PAMR1: variants seen among roughly 807,000 people sequenced by gnomAD.
PAMR1 encodes peptidase domain containing associated with muscle regeneration 1, also known as inactive serine protease PAMR1.
PAMR1 carries 88 observed loss-of-function variants against 81.8 expected under a neutral mutation model. The ratio of observed to expected loss-of-function variants is 1.08; its 90% CI spans 0.91 to 1.28. The LOEUF (loss-of-function observed/expected upper bound fraction) is 1.28. Among genes scored for constraint, PAMR1 ranks in the 50% most tolerant of loss-of-function variants. The pLI, the probability that PAMR1 is intolerant of heterozygous loss-of-function variation, is 0.00. For synonymous variants in PAMR1, 336 were observed against 345.3 expected, an observed-to-expected ratio of 0.97 and a Z score of 0.30; for missense variants, 935 against 919.7, an observed-to-expected ratio of 1.02 and a Z score of -0.21.
chr11:35,451,079 A>G (rs781299633), intron 6 of PAMR1, among the ~76,000 whole-genome samples: 1 of 152,250 alleles, frequency 6.6e-6, no homozygotes, highest in Non-Finnish European at 1.5e-5. Flanking sequence ...AGCAGAGGAT[A>G]AGAAATCCTT....
chr11:35,526,692 C>T (rs770844486), upstream of PAMR1, among the ~76,000 whole-genome samples: 1 of 152,208 alleles, frequency 6.6e-6, no homozygotes, highest in East Asian at 1.9e-4. Context: ...AGGCTATAGT[C>T]TTAGCCACTA....
At chr11:35,515,070 TGAC>T (rs768587930) in intron 1 of PAMR1, among the ~76,000 whole-genome samples, 56 of 152,222 alleles carry the variant, frequency 3.7e-4, no homozygotes, top group Non-Finnish European at 4.1e-4. Context: ...AGCACTAGAA[TGAC>T]GACATTAAAA....
intron 1 of PAMR1, among the ~76,000 whole-genome samples, chr11:35,511,812 T>G (rs1480050799): frequency 6.6e-6 from 1 of 151,964 alleles, no homozygotes; most frequent in African/African-American, 2.4e-5. Context: ...TCCTAACCGC[T>G]GGAGGATCTG....
intron 1 of PAMR1, among the ~76,000 whole-genome samples, chr11:35,496,920 C>A (rs575124525): frequency 2.0e-5 from 3 of 152,288 alleles, no homozygotes; most frequent in African/African-American, 7.2e-5. Flanking sequence ...AATCCCAACA[C>A]TTTGGGAGGC....
intron 6 of PAMR1, among the ~76,000 whole-genome samples, chr11:35,456,515 C>T (rs1202856072): frequency 6.6e-6 from 1 of 152,106 alleles, no homozygotes; most frequent in African/African-American, 2.4e-5. Flanking sequence ...TTGGAGCTCC[C>T]AGTTTTATCC....
At chr11:35,491,690 T>C (rs1245480947) in intron 3 of PAMR1, among the ~76,000 whole-genome samples, 1 of 152,176 alleles carries the variant, frequency 6.6e-6, no homozygotes, top group South Asian at 2.1e-4. Flanking sequence ...CCAACAGAAA[T>C]TCATACGTAC....
At chr11:35,528,957 T>C (rs1257242209), upstream of PAMR1, 5 of 152,250 alleles carry the variant, frequency 3.3e-5, no homozygotes, top group African/African-American at 1.2e-4. Context: ...ATTACCTTGT[T>C]GAACTGCACA....
In PAMR1 at chr11:35,432,241, C is replaced by G; in HGVS notation, c.*115G>C. 1 of 992,954 alleles carries G rather than the reference C, an allele frequency of 1.0e-6. No individual in the cohort carries two copies. Among genetic ancestry groups the G allele is most frequent in the South Asian group, 1.6e-5 (1 of 63,660 alleles). The allele number at this position is 992,954 out of a possible 1,614,324, so 61.5% of individuals were successfully genotyped here. On this transcript the variant is annotated 3_prime_UTR_variant, in exon 11 of 11. Transcript: ENST00000619888. ...AGTTTTGTCCCTGAAGTCAGAAGCC[C>G]TGGCACAGCCAAGTTCACAGGCCAA...
At chr11:35,519,065 C>G (rs183187318) in intron 1 of PAMR1, among the ~76,000 whole-genome samples, 1 of 152,294 alleles carries the variant, frequency 6.6e-6, no homozygotes, top group East Asian at 1.9e-4. Flanking sequence ...GATGCCCAGA[C>G]TGCAGAAATA....
chr11:35,492,693 G>A lies in PAMR1; in HGVS notation c.251-520C>T, dbSNP rs569507074. Among the ~76,000 whole-genome samples the A allele has an allele frequency of 1.6e-4, 25 of 152,116 alleles. No individual in the cohort carries two copies. The South Asian group carries it at 4.8e-3, about 29-fold the overall frequency. ...CATAATAGACAGTAAATATCTTCCT[G>A]CCATATACTTCCGTAATGAAAGCAT... On this transcript the variant is annotated intron_variant, in intron 2 of 10. Transcript: ENST00000619888.
chr11:35,454,013 T>C (rs1365312227), intron 6 of PAMR1, among the ~76,000 whole-genome samples: 1 of 152,212 alleles, frequency 6.6e-6, no homozygotes, highest in Non-Finnish European at 1.5e-5. Context: ...CAGATAAATA[T>C]TTAAAGAAAG....
chr11:35,509,492 T>C (rs1417319983), intron 1 of PAMR1, among the ~76,000 whole-genome samples: 1 of 152,262 alleles, frequency 6.6e-6, no homozygotes, highest in Admixed American at 6.5e-5. Context: ...TAGAAATTAT[T>C]GAATGTTTTC....
At chr11:35,458,519 T>C (rs1414142020) in intron 6 of PAMR1, among the ~76,000 whole-genome samples, 1 of 152,246 alleles carries the variant, frequency 6.6e-6, no homozygotes, top group Non-Finnish European at 1.5e-5. Context: ...AGGCAGGTAC[T>C]ATTCTGTTTC....
rs567274093 is a variant in PAMR1, at chr11:35,443,688, TATA to T, written c.821-1998_821-1996del. Among the ~76,000 whole-genome samples, 949 of 152,322 alleles carry T rather than the reference TATA, an allele frequency of 6.2e-3. 5 individuals are homozygous for T. The highest frequency in any genetic ancestry group is 0.02 in the African/African-American group (834 of 41,576). ...ATGAACATACATGTGCATGTATCTTTATAATAGATTTATATTCCTTTGGGTATA... is the reference window on the plus strand; with the variant it reads ...ATGAACATACATGTGCATGTATCTTTATAGATTTATATTCCTTTGGGTATA... On this transcript the variant is annotated intron_variant, in intron 6 of 10. Coordinates refer to ENST00000619888, the MANE Select transcript of PAMR1 (RefSeq NM_001001991.3).
chr11:35,458,910 T>C (rs1856592002), intron 6 of PAMR1, among the ~76,000 whole-genome samples: 1 of 152,204 alleles, frequency 6.6e-6, no homozygotes, highest in Non-Finnish European at 1.5e-5. Context: ...CCAAACCAAA[T>C]ATTTTTTACT....
At chr11:35,501,707 A>G (rs1850848013) in intron 1 of PAMR1, among the ~76,000 whole-genome samples, 1 of 152,158 alleles carries the variant, frequency 6.6e-6, no homozygotes, top group Admixed American at 6.5e-5. Context: ...GTGCTTGCTT[A>G]TTTCACCTAA....
intron 1 of PAMR1, among the ~76,000 whole-genome samples, chr11:35,522,153 A>T (rs979247104): frequency 7.2e-5 from 11 of 152,020 alleles, no homozygotes. Context: ...CGATCTCCTG[A>T]CCTCGTGATC....
intron 1 of PAMR1, among the ~76,000 whole-genome samples, chr11:35,506,922 C>G (rs1055044211): frequency 2.7e-5 from 4 of 149,380 alleles, no homozygotes; most frequent in Admixed American, 2.7e-4. Context: ...TCTTGTTCAA[C>G]TCTCTCTCGG....
chr11:35,482,900 T>C (rs958682416), intron 3 of PAMR1, among the ~76,000 whole-genome samples: 5 of 152,216 alleles, frequency 3.3e-5, no homozygotes, highest in Non-Finnish European at 2.9e-5. Flanking sequence ...ATTTTTCATG[T>C]CTTCATCCAT....
Sources: allele counts gnomAD v4.1 joint callset (sites outside exome capture counted in the v4.1 genomes callset), GRCh38; gene constraint gnomAD v4.1.1; transcripts MANE v1.5; gene names NCBI Gene and HGNC (gene_info 2026-07-23, HGNC 2026-07-21).